The following IDI1 variants were observed in gnomAD, a reference collection of about 807,000 sequenced individuals.
The protein encoded by IDI1 is isopentenyl-diphosphate delta isomerase 1, also known as isopentenyl-diphosphate Delta-isomerase 1.
Under a neutral mutation model 32.9 loss-of-function variants are expected in IDI1, and 23 were observed. That is an observed-to-expected ratio of 0.70 (90% CI 0.50 to 0.99). The LOEUF (loss-of-function observed/expected upper bound fraction) is 0.99, where lower values mean the gene tolerates loss of function less well. IDI1 is among the 50% of genes least tolerant of loss of function. The pLI is 0.00. For missense variants in IDI1, 326 were observed against 351.9 expected (o/e 0.93, Z 0.59); for synonymous variants, 133 against 128.2 (o/e 1.04, Z -0.25).
chr10:1,053,084 C>T (rs937566092), upstream of IDI1, among the ~76,000 whole-genome samples: 1 of 152,136 alleles, frequency 6.6e-6, no homozygotes, highest in African/African-American at 2.4e-5. Context: ...TTACAGCAAC[C>T]TCCAACTCCT....
At chr10:1,056,260 T>A in the IDI1 span, 35 of 152,402 alleles carry the variant, frequency 2.3e-4, no homozygotes, top group Admixed American at 7.8e-4. Context: ...AAGACCATCA[T>A]GCGACGTTTC....
the IDI1 span, among the ~76,000 whole-genome samples, chr10:1,054,339 C>T: frequency 2.0e-5 from 3 of 152,120 alleles, no homozygotes; most frequent in Non-Finnish European, 2.9e-5. Context: ...ATTTAGGAAG[C>T]GACATGTCAA....
intron 1 of IDI1, 144 bp from the exon 2 acceptor site, chr10:1,044,315 G>A: frequency 9.9e-6 from 6 of 608,140 alleles, no homozygotes; most frequent in South Asian, 4.3e-5. Flanking sequence ...GCTGCCAGCC[G>A]GCTGCTCAGC....
At chr10:1,052,274 T>A (rs1186645035), upstream of IDI1, among the ~76,000 whole-genome samples, 2 of 152,234 alleles carry the variant, frequency 1.3e-5, no homozygotes, top group Non-Finnish European at 2.9e-5. Context: ...TTCAACAGTG[T>A]TCACATCTTC....
the IDI1 span, among the ~76,000 whole-genome samples, chr10:1,054,685 T>C: frequency 6.6e-6 from 1 of 152,222 alleles, no homozygotes; most frequent in African/African-American, 2.4e-5. Flanking sequence ...TTACATTGGA[T>C]AGTTATTTCA....
chr10:1,048,707 A>G (rs1485839956), intron 1 of IDI1, 157 bp downstream of exon 1: 3 of 1,422,396 alleles, frequency 2.1e-6, no homozygotes, highest in South Asian at 3.0e-5. Flanking sequence ...GCCTCCCTCC[A>G]GTTCGGGAGA....
intron 1 of IDI1, chr10:1,048,366 C>A: frequency 7.7e-7 from 1 of 1,305,020 alleles, no homozygotes; most frequent in Non-Finnish European, 1.0e-6. Flanking sequence ...CCAGGAGAAG[C>A]GCCTTGAGTG....
At chr10:1,043,932 C>T (rs1386357037) in intron 2 of IDI1, 67 bp downstream of exon 2, 2 of 1,347,988 alleles carry the variant, frequency 1.5e-6, no homozygotes, top group African/African-American at 1.5e-5. Flanking sequence ...GAACAGAGTG[C>T]TCTTCTCAGC....
Position 1,039,488 on chromosome 10 carries a change from T to G in IDI1, c.*1699A>C, listed in dbSNP as rs976928838. 6.6e-6 allele frequency: 1 copy of G among 152,188 alleles called. No individual in the cohort carries two copies. The highest frequency in any genetic ancestry group is 2.4e-5 in the African/African-American group (1 of 41,438). 9.4% of individuals were successfully genotyped at this position (152,188 alleles called of 1,614,324 possible). The stretch of plus-strand genomic sequence containing the variant: ...TAAAACAGTTTAAGAAAAAAAAAAT[T>G]TATAGGTACCATTTAGCTTTCTAGT... On this transcript the variant is annotated 3_prime_UTR_variant, in exon 5 of 5. Coordinates refer to ENST00000381344, the MANE Select transcript of IDI1 (RefSeq NM_004508.4).
chr10:1,039,210 G>A (rs1832478944), downstream of IDI1: 1 of 150,394 alleles, frequency 6.6e-6, no homozygotes, highest in Admixed American at 7.1e-5. Context: ...CCAGGGAGCA[G>A]GTGGAGGGCA....
intron 2 of IDI1, 24 bp downstream of exon 2, chr10:1,043,975 A>T (rs755785954): frequency 4.6e-5 from 73 of 1,600,562 alleles, no homozygotes; most frequent in Middle Eastern, 4.4e-4. Context: ...TCGCTTTACA[A>T]GAAAGACTGT....
upstream of IDI1, among the ~76,000 whole-genome samples, chr10:1,051,594 G>A (rs1441298029): frequency 1.6e-4 from 25 of 152,236 alleles, no homozygotes; most frequent in Admixed American, 6.5e-5. Flanking sequence ...TGTAGCAGAA[G>A]TGCTTTATGT....
intron 4 of IDI1, among the ~76,000 whole-genome samples, chr10:1,041,728 G>C (rs1034006756): frequency 3.5e-5 from 5 of 141,540 alleles, no homozygotes; most frequent in Non-Finnish European, 7.9e-5. Context: ...TTTTTTTCCC[G>C]ATCAGATAAG....
chr10:1,048,530 A>G, intron 1 of IDI1: 1 of 1,281,616 alleles, frequency 7.8e-7, no homozygotes, highest in South Asian at 1.5e-5. Flanking sequence ...CGCAACTCTT[A>G]GTCTCCTGCG....
chr10:1,048,986 C>T lies in IDI1; in HGVS notation c.18G>A (p.Ala6=), dbSNP rs555984432. 7 of 1,512,472 alleles carry T rather than the reference C, an allele frequency of 4.6e-6. No homozygotes were observed. Among genetic ancestry groups the T allele is most frequent in the Non-Finnish European group, 5.3e-6 (6 of 1,137,710 alleles). The allele number at this position is 1,512,472 out of a possible 1,614,324, so 93.7% of individuals were successfully genotyped here. A position where few individuals can be genotyped will look rare whatever the true frequency, so the allele number is the denominator to read the frequency against. Residue 6 remains alanine (A), a synonymous_variant, in exon 1 of 5, where the codon GCG becomes GCA. Transcript: ENST00000381344. ...CCGCGCAGCCAATCGCTCGCGCCAG[C>T]GCCAGTCCACGCCACATCGCCCGGC... The part of the protein sequence containing the change: MWRGL[A]LARAIGCAAR...
Position 1,041,445 on chromosome 10 carries a change from A to T in IDI1, c.597T>A (p.Gly199=). ...TRIHYKAQSD[G]IWGEHEIDYI... ...AATCAATTTCATGTTCACCCCAGAT[A>T]CCATCAGACTGAGCTTTGTAGTGAA... Residue 199 remains glycine (G), a synonymous_variant, in exon 5 of 5, where the codon GGT becomes GGA. Transcript: ENST00000381344. 1 of 1,610,582 alleles carries T rather than the reference A, an allele frequency of 6.2e-7. No homozygotes were observed.
upstream of IDI1, among the ~76,000 whole-genome samples, chr10:1,052,388 AC>A (rs1286660741): frequency 6.6e-6 from 1 of 152,240 alleles, no homozygotes; most frequent in Admixed American, 6.5e-5. Flanking sequence ...TGATTCAGTT[AC>A]ATCTTCGGGC....
chr10:1,048,884 G>A lies in IDI1; in HGVS notation c.120C>T (p.Val40=), dbSNP rs777101837. ...QSGRHPGPAV[V]CGRRLISVLE... is the part of the protein sequence containing the mutation. ...AGTACCTGATCAGCCTCCGGCCACA[G>A]ACAACCGCCGGTCCCGGATGGCGCC... The change falls in exon 1 of 5, where the codon GTC becomes GTT. Residue 40 remains valine (V), a synonymous_variant. Transcript: ENST00000381344. The A allele has an allele frequency of 1.2e-6, 2 of 1,604,300 alleles. No individual in the cohort carries two copies. The highest frequency in any genetic ancestry group is 1.1e-5 in the South Asian group (1 of 90,756).
rs780667405 is a variant in IDI1, at chr10:1,043,410, TAAC to T, written c.314-20_314-18del. On this transcript the variant is annotated intron_variant, in intron 2 of 4. Coordinates refer to ENST00000381344, the MANE Select transcript of IDI1 (RefSeq NM_004508.4). Reference sequence around the variant, plus strand: ...GCAATAATCCTGAAAGCAAAAGAAATAACAATTATTTTAGCCTTAAGTACCAGT... The same window carrying T: ...GCAATAATCCTGAAAGCAAAAGAAATAATTATTTTAGCCTTAAGTACCAGT... 259 of 1,519,436 alleles carry T rather than the reference TAAC, an allele frequency of 1.7e-4. No homozygotes were observed. The highest frequency in any genetic ancestry group is 2.2e-4 in the Non-Finnish European group (246 of 1,094,130). 94.1% of individuals were successfully genotyped at this position (1,519,436 alleles called of 1,614,324 possible). A position where few individuals can be genotyped will look rare whatever the true frequency, so the allele number is the denominator to read the frequency against.
Sources: allele counts gnomAD v4.1 joint callset (sites outside exome capture counted in the v4.1 genomes callset), GRCh38; gene constraint gnomAD v4.1.1; transcripts MANE v1.5; gene names NCBI Gene and HGNC (gene_info 2026-07-23, HGNC 2026-07-21).